The following GPHN variants were observed in gnomAD, a reference collection of about 807,000 sequenced individuals.
The protein encoded by GPHN is gephyrin.
GPHN carries 17 observed loss-of-function variants against 95.5 expected under a neutral mutation model. The ratio of observed to expected loss-of-function variants is 0.18; its 90% CI spans 0.12 to 0.27. The LOEUF (loss-of-function observed/expected upper bound fraction) is 0.27. Among genes scored for constraint, GPHN ranks in the 10% least tolerant of loss-of-function variants. The pLI, the probability that GPHN is intolerant of heterozygous loss-of-function variation, is 1.00. For synonymous variants in GPHN, 320 were observed against 322.5 expected, an observed-to-expected ratio of 0.99 and a Z score of 0.08; for missense variants, 660 against 978.1, an observed-to-expected ratio of 0.67 and a Z score of 4.34.
At chr14:67,300,920 G>A in the GPHN span, among the ~76,000 whole-genome samples, 35 of 152,012 alleles carry the variant, frequency 2.3e-4, no homozygotes, top group East Asian at 7.7e-4. Context: ...TCAAACTCCT[G>A]GGCTTAAGCA....
At chr14:67,079,277 A>C (rs2076604312) in intron 11 of GPHN, among the ~76,000 whole-genome samples, 1 of 152,108 alleles carries the variant, frequency 6.6e-6, no homozygotes, top group Non-Finnish European at 1.5e-5. Flanking sequence ...CCACAATTTT[A>C]GAAGATATAA....
the GPHN span, among the ~76,000 whole-genome samples, chr14:67,214,311 A>G: frequency 9.9e-5 from 15 of 152,192 alleles, no homozygotes; most frequent in Non-Finnish European, 1.9e-4. Flanking sequence ...CTAACGTTTA[A>G]GTCTTTAATC....
the GPHN span, chr14:67,383,250 G>C: frequency 6.5e-7 from 1 of 1,539,114 alleles, no homozygotes; most frequent in Non-Finnish European, 8.9e-7. Flanking sequence ...GGCAGTAATA[G>C]TATTGAAATT....
the GPHN span, chr14:67,729,623 C>A: frequency 1.6e-6 from 1 of 623,064 alleles, no homozygotes; most frequent in Admixed American, 2.6e-5. Context: ...GAAAACTTTG[C>A]AGCTTTCTGA....
chr14:67,541,779 A>G, the GPHN span: 1 of 1,249,652 alleles, frequency 8.0e-7, no homozygotes, highest in South Asian at 1.6e-5. Context: ...TTCCCCACAG[A>G]ACTCTTCCTC....
At chr14:66,759,179 G>GA (rs1292190270) in intron 2 of GPHN, among the ~76,000 whole-genome samples, 1 of 152,150 alleles carries the variant, frequency 6.6e-6, no homozygotes, top group Non-Finnish European at 1.5e-5. Context: ...GCCCAGCCAT[G>GA]GGTTTCTACC....
chr14:67,220,444 GAA>G, the GPHN span, among the ~76,000 whole-genome samples: 4 of 137,558 alleles, frequency 2.9e-5, no homozygotes, highest in Admixed American at 7.3e-5. Flanking sequence ...CTTTTCTCAG[GAA>G]AAAAAAAAAA....
At chr14:67,060,416 A>G (rs10483792) in intron 11 of GPHN, among the ~76,000 whole-genome samples, 10,108 of 152,258 alleles carry the variant, frequency 0.066, 357 homozygotes, top group Middle Eastern at 0.085. Context: ...AATGAGGTTC[A>G]CATTAAACCT....
chr14:67,238,845 G>A, the GPHN span, among the ~76,000 whole-genome samples: 15 of 152,058 alleles, frequency 9.9e-5, no homozygotes, highest in East Asian at 2.9e-3. Flanking sequence ...TTTTTGCCAT[G>A]TTGCCAAGGC....
At chr14:67,194,501 G>A in the GPHN span, among the ~76,000 whole-genome samples, 1 of 152,038 alleles carries the variant, frequency 6.6e-6, no homozygotes, top group African/African-American at 2.4e-5. Context: ...TGTTTTAAGA[G>A]CCTAAACTAT....
At chr14:66,630,926 C>T (rs1022215405) in intron 1 of GPHN, among the ~76,000 whole-genome samples, 9 of 151,850 alleles carry the variant, frequency 5.9e-5, no homozygotes, top group Non-Finnish European at 4.4e-5. Flanking sequence ...TTTTTTCTTA[C>T]ATTTTATGGA....
At chr14:66,565,224 G>A (rs1182821548) in intron 1 of GPHN, among the ~76,000 whole-genome samples, 1 of 152,110 alleles carries the variant, frequency 6.6e-6, no homozygotes, top group Non-Finnish European at 1.5e-5. Context: ...GGTTCTGAGT[G>A]GCTTTCAACA....
At position 66,508,370 on chromosome 14, in the gene GPHN, A is replaced by C; in HGVS notation, c.-158A>C. 24 of 713,046 alleles carry C rather than the reference A, an allele frequency of 3.4e-5. No individual in the cohort carries two copies. The highest frequency in any genetic ancestry group is 3.5e-5 in the Non-Finnish European group (14 of 397,100). 44.2% of individuals were successfully genotyped at this position (713,046 alleles called of 1,614,324 possible). ...GCGCGGCCTCTCCCCCACGCAGGCCACCGTGCACTCTGTGGCCTCCCCCTC... is the reference window on the plus strand; with the variant it reads ...GCGCGGCCTCTCCCCCACGCAGGCCCCCGTGCACTCTGTGGCCTCCCCCTC... On this transcript the variant is annotated 5_prime_UTR_variant, in exon 1 of 23. Coordinates refer to ENST00000478722, the MANE Select transcript of GPHN (RefSeq NM_020806.5).
At chr14:66,585,880 A>T (rs557336578) in intron 1 of GPHN, among the ~76,000 whole-genome samples, 1 of 152,214 alleles carries the variant, frequency 6.6e-6, no homozygotes, top group African/African-American at 2.4e-5. Context: ...TTTGGGGTGG[A>T]GAGTTCTGTA....
Position 67,085,275 on chromosome 14 carries a change from T to C in GPHN, c.1145-3708T>C, listed in dbSNP as rs112670217. Among the ~76,000 whole-genome samples the C allele has an allele frequency of 1.2e-3, 186 of 152,326 alleles. 1 individual carries two copies. The highest frequency in any genetic ancestry group is 4.4e-3 in the African/African-American group (184 of 41,576). ...ACCATAGGAACCTTCCAGAATGGAA[T>C]TGCACAATAAGATATATGAACAACT... On this transcript the variant is annotated intron_variant, in intron 11 of 22. Coordinates refer to ENST00000478722, the MANE Select transcript of GPHN (RefSeq NM_020806.5).
At chr14:67,583,346 G>C in the GPHN span, among the ~76,000 whole-genome samples, 1 of 152,084 alleles carries the variant, frequency 6.6e-6, no homozygotes, top group African/African-American at 2.4e-5. Context: ...TTTGCGCCAG[G>C]TGTCCAACTC....
the GPHN span, among the ~76,000 whole-genome samples, chr14:67,396,039 C>T: frequency 6.6e-6 from 1 of 152,196 alleles, no homozygotes; most frequent in Non-Finnish European, 1.5e-5. Context: ...AGTCATGCTC[C>T]CTTCCGTCCT....
chr14:66,735,627 C>T (rs1462973226), intron 2 of GPHN, among the ~76,000 whole-genome samples: 1 of 152,116 alleles, frequency 6.6e-6, no homozygotes, highest in Non-Finnish European at 1.5e-5. Flanking sequence ...TACTGGGTGC[C>T]ATGAAAACAT....
At chr14:67,088,306 A>G (rs1218164997) in intron 11 of GPHN, among the ~76,000 whole-genome samples, 1 of 152,202 alleles carries the variant, frequency 6.6e-6, no homozygotes, top group Non-Finnish European at 1.5e-5. Flanking sequence ...TAAATGCTTT[A>G]TATTTTCATG....
Sources: allele counts gnomAD v4.1 joint callset (sites outside exome capture counted in the v4.1 genomes callset), GRCh38; gene constraint gnomAD v4.1.1; transcripts MANE v1.5; gene names NCBI Gene and HGNC (gene_info 2026-07-23, HGNC 2026-07-21).